The following TTLL8 variants were observed in gnomAD, a reference collection of about 807,000 sequenced individuals.
The protein encoded by TTLL8 is protein monoglycylase TTLL8.
Under a neutral mutation model 77.8 loss-of-function variants are expected in TTLL8, and 65 were observed. The observed-to-expected ratio is 0.84, with a 90% CI of 0.68 to 1.03. The LOEUF is 1.03. TTLL8 is among the 50% of genes least tolerant of loss of function. The pLI is 0.00. For synonymous variants in TTLL8, 402 were observed against 422.8 expected, an observed-to-expected ratio of 0.95 and a Z score of 0.60; for missense variants, 910 against 1,004.5, an observed-to-expected ratio of 0.91 and a Z score of 1.27.
exon 6 of TTLL8, chr22:50,045,266 C>T (rs928597703): frequency 1.5e-6 from 2 of 1,356,234 alleles, no homozygotes; most frequent in African/African-American, 1.5e-5. Flanking sequence ...TTGCCTGCTG[C>T]TCAGGTCGCT....
In TTLL8 at chr22:50,034,916, C is replaced by T. The variant is rs188353727; in HGVS notation, c.922-454G>A. Among the ~76,000 whole-genome samples the T allele has an allele frequency of 4.6e-5, 7 of 152,302 alleles. No individual in the cohort carries two copies. The highest frequency in any genetic ancestry group is 3.9e-4 in the East Asian group (2 of 5,184). Reference sequence around the variant, plus strand: ...GACCGACCCCTGGTAGGAAAGTGGCCGGCCCGTGCAGGCCTCCTGTGTCCC... The same window carrying T: ...GACCGACCCCTGGTAGGAAAGTGGCTGGCCCGTGCAGGCCTCCTGTGTCCC... On this transcript the variant is annotated intron_variant, in intron 8 of 13. Transcript: ENST00000266182. The surrounding 1 kb of genome is among the most constrained non-coding windows in gnomAD (Gnocchi z 4.1).
chr22:50,031,767 A>G lies in TTLL8; in HGVS notation c.1626T>C (p.Cys542=), dbSNP rs61742089. 1,270 of 1,365,390 alleles carry G rather than the reference A, an allele frequency of 9.3e-4. 10 individuals are homozygous for G. The African/African-American group carries it at 0.017, about 18-fold the overall frequency. 84.6% of individuals were successfully genotyped at this position (1,365,390 alleles called of 1,614,324 possible). ...TGATGGTGTCCTCCTGCACCTGTGC[A>G]CACAGCTGGGCCGTGACCGGCGTGG... The change falls in exon 11 of 14, where the codon TGT becomes TGC. Residue 542 remains cysteine, a synonymous_variant. Transcript: ENST00000266182.
intron 12 of TTLL8, among the ~76,000 whole-genome samples, chr22:50,020,451 T>C (rs2061188192): frequency 1.4e-5 from 2 of 143,200 alleles, no homozygotes; most frequent in Admixed American, 7.0e-5. Flanking sequence ...TCTGACGAAA[T>C]GCACTCCTCC....
Position 50,044,123 on chromosome 22 carries a change from G to A in TTLL8, c.643+1132C>T, listed in dbSNP as rs2061393472. Among the ~76,000 whole-genome samples, 1 of 152,094 alleles carries A rather than the reference G, an allele frequency of 6.6e-6. No individual in the cohort carries two copies. The highest frequency in any genetic ancestry group is 1.5e-5 in the Non-Finnish European group (1 of 68,022). ...GCGGATCACCTGAAGTCAGGAGTTC[G>A]AGACCAGCCTGGCCAACATGGCAAA... is the stretch of plus-strand genomic sequence containing the variant. On this transcript the variant is annotated intron_variant, in intron 6 of 13. Coordinates refer to ENST00000266182, the Ensembl canonical transcript of TTLL8. The surrounding 1 kb of genome is among the most constrained non-coding windows in gnomAD (Gnocchi z 4.2).
At position 50,041,609 on chromosome 22, in the gene TTLL8, C is replaced by T. The variant is rs560257190; in HGVS notation, c.830+12G>A. 2 of 1,345,966 alleles carry T rather than the reference C, an allele frequency of 1.5e-6. No individual in the cohort carries two copies. The highest frequency in any genetic ancestry group is 9.9e-7 in the Non-Finnish European group (1 of 1,010,618). 83.4% of individuals were successfully genotyped at this position (1,345,966 alleles called of 1,614,324 possible). A position where few individuals can be genotyped will look rare whatever the true frequency, so the allele number is the denominator to read the frequency against. ...AGCTCCGACATGTGCCAGGGGCCTG[C>T]GTAAGTCTTACTGAACGAGGGAGTA... On this transcript the variant is annotated intron_variant, in intron 7 of 13. Coordinates refer to ENST00000266182, the Ensembl canonical transcript of TTLL8. The surrounding 1 kb of genome is among the most constrained non-coding windows in gnomAD (Gnocchi z 4.3).
intron 1 of TTLL8, among the ~76,000 whole-genome samples, chr22:50,052,929 CA>C (rs1300132515): frequency 1.3e-5 from 2 of 152,178 alleles, no homozygotes; most frequent in African/African-American, 2.4e-5. Flanking sequence ...TGGCTATAAA[CA>C]GCTCACTCTG....
chr22:50,020,037 A>T (rs988000612), intron 12 of TTLL8, among the ~76,000 whole-genome samples: 2 of 152,248 alleles, frequency 1.3e-5, no homozygotes, highest in African/African-American at 4.8e-5. Context: ...CATGCATCTT[A>T]TCATACTTTT....
intron 12 of TTLL8, among the ~76,000 whole-genome samples, chr22:50,019,361 C>T (rs1365236378): frequency 1.3e-5 from 2 of 152,176 alleles, no homozygotes; most frequent in Non-Finnish European, 2.9e-5. Context: ...CATCAGGCTC[C>T]AAGGCAGCCC....
At chr22:50,045,893 G>A (rs779091009) in exon 5 of TTLL8, 6 of 1,360,630 alleles carry the variant, frequency 4.4e-6, no homozygotes, top group South Asian at 1.2e-5. Flanking sequence ...TGCAGAGGCT[G>A]TAGCAGCGTG....
intron 4 of TTLL8, among the ~76,000 whole-genome samples, chr22:50,046,677 A>G (rs2061413948): frequency 6.6e-6 from 1 of 152,222 alleles, no homozygotes; most frequent in Admixed American, 6.5e-5. Flanking sequence ...CCTCTGTGCC[A>G]GGGAAGCCCC....
intron 12 of TTLL8, among the ~76,000 whole-genome samples, chr22:50,019,144 T>C (rs1046385994): frequency 3.9e-5 from 6 of 152,190 alleles, no homozygotes; most frequent in Admixed American, 6.5e-5. Flanking sequence ...ACTTTAGATT[T>C]TGATAAGTTT....
Position 50,044,263 on chromosome 22 carries a change from A to G in TTLL8, c.643+992T>C, listed in dbSNP as rs1441456412. On this transcript the variant is annotated intron_variant, in intron 6 of 13. Coordinates refer to ENST00000266182, the Ensembl canonical transcript of TTLL8. This position sits in a 1 kb window ranked among gnomAD's most constrained non-coding sequence, Gnocchi z 4.2. ...AACCCAGGAGGCGGAGGTTGCAGTG[A>G]GCCAAGATCATGCCATTGTACTTCA... Among the ~76,000 whole-genome samples the G allele has an allele frequency of 6.6e-6, 1 of 152,028 alleles. No homozygotes were observed. Among genetic ancestry groups the G allele is most frequent in the Non-Finnish European group, 1.5e-5 (1 of 68,008 alleles).
exon 6 of TTLL8, chr22:50,045,261 TGCTGCTCAGGTC>T: frequency 7.4e-7 from 1 of 1,355,452 alleles, no homozygotes; most frequent in Non-Finnish European, 9.8e-7. Flanking sequence ...GCACCTTGCC[TGCTGCTCAGGTC>T]GCTGCTCCCG....
Position 50,034,472 on chromosome 22 carries a change from G to A in TTLL8, c.922-10C>T, listed in dbSNP as rs1054686088. On this transcript the variant is annotated splice_polypyrimidine_tract_variant and intron_variant, in intron 8 of 13. Coordinates refer to ENST00000266182, the Ensembl canonical transcript of TTLL8. The surrounding 1 kb of genome is among the most constrained non-coding windows in gnomAD (Gnocchi z 4.1). ...TCAGCAGAGCCTGGCACTGCGAAAA[G>A]TAATTTCTTGAATTGGAGATGAAAG... The A allele has an allele frequency of 5.1e-6, 7 of 1,365,646 alleles. No homozygotes were observed. Among genetic ancestry groups the A allele is most frequent in the Non-Finnish European group, 6.9e-6 (7 of 1,021,446 alleles). The allele number at this position is 1,365,646 out of a possible 1,614,324, so 84.6% of individuals were successfully genotyped here.
At chr22:50,054,060 T>C (rs1284579258) in intron 1 of TTLL8, among the ~76,000 whole-genome samples, 1 of 152,164 alleles carries the variant, frequency 6.6e-6, no homozygotes, top group Non-Finnish European at 1.5e-5. Context: ...GGCCATAACC[T>C]CACCATGCCG....
In TTLL8 at chr22:50,041,900, G is replaced by C. The variant is rs891580239; in HGVS notation, c.644-93C>G. 1.8e-6 allele frequency: 2 copies of C among 1,119,346 alleles called. No homozygotes were observed. The highest frequency in any genetic ancestry group is 1.2e-4 in the East Asian group (2 of 16,114). 69.3% of individuals were successfully genotyped at this position (1,119,346 alleles called of 1,614,324 possible). ...GTGATGTCTAAAGTCATGGACAAAG[G>C]CTGCTCCACTCCCTCTGTGCCCCAA... On this transcript the variant is annotated intron_variant, in intron 6 of 13. Transcript: ENST00000266182. The surrounding 1 kb of genome is among the most constrained non-coding windows in gnomAD (Gnocchi z 4.3).
chr22:50,030,647 T>C (rs764007449), exon 12 of TTLL8: 6 of 1,283,424 alleles, frequency 4.7e-6, no homozygotes, highest in Non-Finnish European at 5.1e-6. Context: ...GCTGTGCGGC[T>C]CCACCGCTCT....
At position 50,019,935 on chromosome 22, in the gene TTLL8, T is replaced by A. The variant is rs1357081236; in HGVS notation, c.2204-3373A>T. ...GAAATATGTAAAACATAAGCTTATA[T>A]AATGATGAAAGAAAAAACATACCAG... On this transcript the variant is annotated intron_variant, in intron 12 of 13. Coordinates refer to ENST00000266182, the Ensembl canonical transcript of TTLL8. Among the ~76,000 whole-genome samples the A allele has an allele frequency of 2.6e-5, 4 of 152,160 alleles. No individual in the cohort carries two copies. The East Asian group carries it at 7.7e-4, about 29-fold the overall frequency.
At chr22:50,035,447 C>T (rs2061329591) in intron 8 of TTLL8, among the ~76,000 whole-genome samples, 1 of 152,158 alleles carries the variant, frequency 6.6e-6, no homozygotes, top group South Asian at 2.1e-4. Context: ...GCCGGGGGTG[C>T]CTGGGCGAGA....
Sources: gnomAD v4.1 joint callset for allele counts (sites outside exome capture counted in the v4.1 genomes callset) on GRCh38, gnomAD v4.1.1 for gene constraint, Gnocchi (gnomAD v3.1) non-coding constraint, MANE v1.5 for transcripts, NCBI Gene and HGNC (gene_info 2026-07-23, HGNC 2026-07-21) for gene names.